The following CDH11 variants were observed in gnomAD, a reference collection of about 807,000 sequenced individuals.
The protein encoded by CDH11 is cadherin 11.
A neutral mutation model predicts 67.8 loss-of-function variants in CDH11; 11 were observed. That is an observed-to-expected ratio of 0.16 (90% CI 0.10 to 0.27). The LOEUF is 0.27. Among genes scored for constraint, CDH11 ranks in the 10% least tolerant of loss-of-function variants. The probability of loss-of-function intolerance (pLI) is 1.00; values close to 1 mark genes in which losing one functional copy is unlikely to be tolerated. For missense variants in CDH11, 847 were observed against 1,031.2 expected (o/e 0.82, Z 2.45); for synonymous variants, 419 against 400.0 (o/e 1.05, Z -0.57).
rs754078378 is a variant in CDH11, at chr16:64,988,305, C to A, written c.851G>T (p.Gly284Val). Reference sequence around the variant, plus strand: ...AGCTTTCACTCTTCCTACTTCCTCCCCAGGGACGGCTGCTTCTGACACAGA... The same window carrying A: ...AGCTTTCACTCTTCCTACTTCCTCCACAGGGACGGCTGCTTCTGACACAGA... ...QMSVSEAAVPGEEVGRVKAKD... is the reference protein window; with the variant it reads ...QMSVSEAAVPVEEVGRVKAKD... Residue 284 changes from glycine (G) to valine (V), a missense_variant, in exon 7 of 13, where the codon GGG (glycine) becomes GTG (valine). This residue lies in a region of CDH11 where 612 missense variants were observed against 678.7 expected (regional missense o/e 0.90). Coordinates refer to ENST00000268603, the MANE Select transcript of CDH11 (RefSeq NM_001797.4). 2 of 1,613,292 alleles carry A rather than the reference C, an allele frequency of 1.2e-6. No individual in the cohort carries two copies. Among genetic ancestry groups the A allele is most frequent in the Admixed American group, 1.7e-5 (1 of 59,944 alleles).
At chr16:64,967,420 G>A (rs1024147438) in intron 11 of CDH11, among the ~76,000 whole-genome samples, 5 of 152,028 alleles carry the variant, frequency 3.3e-5, no homozygotes, top group Non-Finnish European at 4.4e-5. Flanking sequence ...GGGTTTCACC[G>A]TATTGCCCAG....
In CDH11 at chr16:64,988,291, T is replaced by G; in HGVS notation, c.865A>C (p.Arg289=). 2.5e-6 allele frequency: 4 copies of G among 1,613,726 alleles called. No homozygotes were observed. Among genetic ancestry groups the G allele is most frequent in the Non-Finnish European group, 3.4e-6 (4 of 1,179,750 alleles). Residue 289 remains arginine, a synonymous_variant, in exon 7 of 13, where the codon AGA becomes CGA. Coordinates refer to ENST00000268603, the MANE Select transcript of CDH11 (RefSeq NM_001797.4). ...ATGTCTGGATCTTTAGCTTTCACTCTTCCTACTTCCTCCCCAGGGACGGCT... is the reference window on the plus strand; with the variant it reads ...ATGTCTGGATCTTTAGCTTTCACTCGTCCTACTTCCTCCCCAGGGACGGCT... ...EAAVPGEEVG[R]VKAKDPDIGE... is the part of the protein sequence containing the mutation.
intron 1 of CDH11, among the ~76,000 whole-genome samples, chr16:65,104,350 C>T (rs752269135): frequency 2.0e-5 from 3 of 152,166 alleles, no homozygotes; most frequent in Admixed American, 1.3e-4. Flanking sequence ...ACAAATTCCA[C>T]ATTGTCCCTC....
chr16:65,023,536 A>G (rs188353407), intron 2 of CDH11, among the ~76,000 whole-genome samples: 185 of 152,348 alleles, frequency 1.2e-3, no homozygotes, highest in African/African-American at 4.2e-3. Context: ...TTAAGAAAGT[A>G]AAGAAATAAA....
chr16:64,970,507 A>C (rs1805783833), intron 11 of CDH11, among the ~76,000 whole-genome samples: 1 of 152,176 alleles, frequency 6.6e-6, no homozygotes, highest in Non-Finnish European at 1.5e-5. Flanking sequence ...TAGGGGTGAC[A>C]ATAATGCCTA....
At chr16:64,956,938 T>C (rs1434685852) in intron 11 of CDH11, among the ~76,000 whole-genome samples, 3 of 151,982 alleles carry the variant, frequency 2.0e-5, no homozygotes, top group African/African-American at 7.3e-5. Flanking sequence ...CCTTGATAGA[T>C]AGACTGCACT....
At chr16:65,043,758 A>T (rs181751813) in intron 2 of CDH11, among the ~76,000 whole-genome samples, 4 of 152,292 alleles carry the variant, frequency 2.6e-5, no homozygotes, top group African/African-American at 9.6e-5. Context: ...CAAAAAAGTT[A>T]AAAGGAATGA....
At chr16:64,987,387 CT>C (rs1252998919) in intron 7 of CDH11, 2 of 152,092 alleles carry the variant, frequency 1.3e-5, no homozygotes, top group African/African-American at 4.8e-5. Context: ...ATGATTTCAT[CT>C]GTCTGAGCCC....
intron 1 of CDH11, among the ~76,000 whole-genome samples, chr16:65,069,038 G>A (rs1422638515): frequency 6.6e-6 from 1 of 152,218 alleles, no homozygotes; most frequent in Non-Finnish European, 1.5e-5. Context: ...AAAGGACCTT[G>A]TCGGTATTGC....
chr16:64,963,282 A>G (rs1374806431), intron 11 of CDH11, among the ~76,000 whole-genome samples: 1 of 152,186 alleles, frequency 6.6e-6, no homozygotes, highest in African/African-American at 2.4e-5. Context: ...AAGAAACACT[A>G]GAGATAAAAA....
At chr16:65,087,925 A>C (rs912277018) in intron 1 of CDH11, among the ~76,000 whole-genome samples, 7 of 152,238 alleles carry the variant, frequency 4.6e-5, no homozygotes, top group African/African-American at 9.6e-5. Context: ...GTGGAAATGT[A>C]GAGGTGCAAA....
rs1347222182 is a variant in CDH11, at chr16:64,998,689, G to A, written c.396C>T (p.Asp132=). The A allele has an allele frequency of 6.2e-7, 1 of 1,613,948 alleles. No individual in the cohort carries two copies. The highest frequency in any genetic ancestry group is 1.3e-5 in the African/African-American group (1 of 74,876). Residue 132 remains aspartate (D), a synonymous_variant, in exon 4 of 13, where the codon GAC becomes GAT. Transcript: ENST00000268603. The part of the protein sequence containing the change: ...AQYTLMAQAV[D]RDTNRPLEPP... The stretch of plus-strand genomic sequence containing the variant: ...GCTCCAGTGGCCGATTGGTGTCCCT[G>A]TCCACCGCCTGAGCCATCAACGTGT...
intron 1 of CDH11, among the ~76,000 whole-genome samples, chr16:65,079,434 T>C (rs1428937818): frequency 6.6e-6 from 1 of 152,226 alleles, no homozygotes; most frequent in African/African-American, 2.4e-5. Flanking sequence ...AAATGTATGC[T>C]TTTACTTTGA....
intron 7 of CDH11, chr16:64,986,422 G>A (rs1022084530): frequency 6.6e-6 from 1 of 151,876 alleles, no homozygotes; most frequent in African/African-American, 2.4e-5. Context: ...AAATGTTTCA[G>A]GATTTCAGAG....
At chr16:65,108,613 G>A (rs2075105052) in intron 1 of CDH11, among the ~76,000 whole-genome samples, 1 of 151,968 alleles carries the variant, frequency 6.6e-6, no homozygotes, top group African/African-American at 2.4e-5. Flanking sequence ...CATAAATGAA[G>A]CACTTCACCC....
intron 2 of CDH11, among the ~76,000 whole-genome samples, chr16:65,042,432 T>A (rs1206835492): frequency 6.6e-6 from 1 of 152,068 alleles, no homozygotes; most frequent in African/African-American, 2.4e-5. Flanking sequence ...GAAAGGTGTG[T>A]GAGGAGACTT....
intron 2 of CDH11, among the ~76,000 whole-genome samples, chr16:65,045,352 TA>T (rs2073941678): frequency 8.9e-6 from 1 of 111,872 alleles, no homozygotes; most frequent in African/African-American, 3.1e-5. Flanking sequence ...TATATATATA[TA>T]TATATATATA....
intron 12 of CDH11, among the ~76,000 whole-genome samples, chr16:64,949,997 T>C (rs900549294): frequency 6.6e-6 from 1 of 152,150 alleles, no homozygotes; most frequent in African/African-American, 2.4e-5. Flanking sequence ...GGACCAAGCA[T>C]CATGGCAAAA....
Position 64,988,297 on chromosome 16 carries a change from C to A in CDH11, c.859G>T (p.Val287Leu). The A allele has an allele frequency of 6.2e-7, 1 of 1,613,608 alleles. No homozygotes were observed. The highest frequency in any genetic ancestry group is 8.5e-7 in the Non-Finnish European group (1 of 1,179,694). Residue 287 changes from valine to leucine, a missense_variant, in exon 7 of 13, where the codon GTA (valine) becomes TTA (leucine). Val to Leu is a conservative substitution (Grantham distance 32, BLOSUM62 1). This residue lies in a region of CDH11 where 612 missense variants were observed against 678.7 expected (regional missense o/e 0.90). Coordinates refer to ENST00000268603, the MANE Select transcript of CDH11 (RefSeq NM_001797.4). ...VSEAAVPGEE[V>L]GRVKAKDPDI... The stretch of plus-strand genomic sequence containing the variant: ...GGATCTTTAGCTTTCACTCTTCCTA[C>A]TTCCTCCCCAGGGACGGCTGCTTCT...
Sources: gnomAD v4.1 joint callset for allele counts (sites outside exome capture counted in the v4.1 genomes callset) on GRCh38, gnomAD v4.1.1 for gene constraint, gnomAD v4.1.1 regional missense constraint, MANE v1.5 for transcripts, NCBI Gene and HGNC (gene_info 2026-07-23, HGNC 2026-07-21) for gene names.